Variants in COL14A1 observed in about 807,000 individuals in gnomAD.
COL14A1 encodes collagen type XIV alpha 1 chain.
COL14A1 carries 136 observed loss-of-function variants against 230.3 expected under a neutral mutation model. The ratio of observed to expected loss-of-function variants is 0.59; its 90% confidence interval spans 0.51 to 0.68. The LOEUF (loss-of-function observed/expected upper bound fraction) is 0.68, where lower values mean the gene tolerates loss of function less well. Among genes scored for constraint, COL14A1 ranks in the 30% least tolerant of loss-of-function variants. COL14A1 has a pLI of 0.00. For synonymous variants in COL14A1, 792 were observed against 784.1 expected (o/e 1.01, Z -0.17); for missense variants, 1,976 against 2,215.8 (o/e 0.89, Z 2.17).
intron 20 of COL14A1, among the ~76,000 whole-genome samples, chr8:120,246,649 A>T (rs1818775543): frequency 6.6e-6 from 1 of 152,208 alleles, no homozygotes. Context: ...CAGAAATGCC[A>T]TTACGTCTTA....
chr8:120,278,660 G>A, intron 28 of COL14A1, 82 bp downstream of exon 28: 1 of 1,349,408 alleles, frequency 7.4e-7, no homozygotes, highest in Non-Finnish European at 1.0e-6. Context: ...GGCTATATCA[G>A]CATTACTTAA....
At chr8:120,204,667 C>T (rs757171034) in intron 9 of COL14A1, among the ~76,000 whole-genome samples, 54 of 152,286 alleles carry the variant, frequency 3.5e-4, no homozygotes, top group Non-Finnish European at 5.6e-4. Context: ...CATAAGTTTT[C>T]ATTTCTCTGG....
At chr8:120,181,191 T>C (rs1248006641) in intron 5 of COL14A1, among the ~76,000 whole-genome samples, 3 of 152,198 alleles carry the variant, frequency 2.0e-5, no homozygotes, top group Non-Finnish European at 2.9e-5. Context: ...GAGAATGGAA[T>C]TGGGCAAACA....
chr8:120,176,256 G>A (rs568790437), intron 5 of COL14A1, among the ~76,000 whole-genome samples: 1 of 152,212 alleles, frequency 6.6e-6, no homozygotes, highest in South Asian at 2.1e-4. Context: ...TAGTTTCTGG[G>A]GATTAAGTGG....
At chr8:120,341,677 G>A (rs908839074) in intron 43 of COL14A1, among the ~76,000 whole-genome samples, 26 of 152,188 alleles carry the variant, frequency 1.7e-4, no homozygotes, top group African/African-American at 5.8e-4. Context: ...TGATGAGAAC[G>A]TTATATAATA....
At chr8:120,164,721 T>C (rs566335444) in intron 4 of COL14A1, among the ~76,000 whole-genome samples, 2 of 152,346 alleles carry the variant, frequency 1.3e-5, no homozygotes, top group African/African-American at 4.8e-5. Flanking sequence ...ATGTTAATTT[T>C]GGTTTAAATC....
At chr8:120,166,919 T>TG (rs1554600759) in intron 4 of COL14A1, among the ~76,000 whole-genome samples, 45 of 143,962 alleles carry the variant, frequency 3.1e-4, no homozygotes, top group African/African-American at 1.2e-3. Flanking sequence ...TGTGTGTGTG[T>TG]GTGGTGGTGA....
intron 13 of COL14A1, 64 bp from the exon 14 acceptor site, chr8:120,216,287 C>G (rs186926905): frequency 7.2e-7 from 1 of 1,381,292 alleles, no homozygotes. Flanking sequence ...GTCAAAGATG[C>G]AATTTCTTTT....
chr8:120,253,457 A>T (rs1353522725), intron 22 of COL14A1, among the ~76,000 whole-genome samples: 1 of 152,188 alleles, frequency 6.6e-6, no homozygotes, highest in African/African-American at 2.4e-5. Context: ...AAAGACTGAG[A>T]TTGTTGAATT....
intron 19 of COL14A1, among the ~76,000 whole-genome samples, chr8:120,241,832 T>A (rs1365168117): frequency 6.6e-6 from 1 of 152,184 alleles, no homozygotes; most frequent in Admixed American, 6.5e-5. Context: ...GGCCTCAGTT[T>A]TCTCATCTGT....
At chr8:120,365,339 G>A (rs1051743178) in intron 45 of COL14A1, among the ~76,000 whole-genome samples, 4 of 152,154 alleles carry the variant, frequency 2.6e-5, no homozygotes, top group Admixed American at 1.3e-4. Flanking sequence ...GAGTCACCAC[G>A]CTCTTAATCA....
chr8:120,139,613 A>T (rs2096687672), intron 1 of COL14A1, among the ~76,000 whole-genome samples: 1 of 152,202 alleles, frequency 6.6e-6, no homozygotes, highest in Non-Finnish European at 1.5e-5. Context: ...TAGAAAATTC[A>T]TTATGATTCC....
chr8:120,343,232 C>T (rs915505480), intron 44 of COL14A1, among the ~76,000 whole-genome samples: 6 of 152,156 alleles, frequency 3.9e-5, no homozygotes, highest in African/African-American at 1.2e-4. Context: ...GTAATTTGTT[C>T]AGTTCCAGGA....
chr8:120,144,497 G>T (rs948806840), intron 1 of COL14A1, among the ~76,000 whole-genome samples: 1 of 152,018 alleles, frequency 6.6e-6, no homozygotes, highest in Non-Finnish European at 1.5e-5. Flanking sequence ...TTCAGCATCC[G>T]TTCTTGATTT....
At position 120,262,994 on chromosome 8, in the gene COL14A1, T is replaced by C; in HGVS notation, c.2996T>C (p.Val999Ala). 7.5e-6 allele frequency: 12 copies of C among 1,606,980 alleles called. No homozygotes were observed. Among genetic ancestry groups the C allele is most frequent in the Non-Finnish European group, 9.3e-6 (11 of 1,177,844 alleles). The change falls in exon 24 of 48, where the codon GTG (valine) becomes GCG (alanine). Residue 999 changes from valine (V) to alanine (A), a missense_variant. Val to Ala is a moderately conservative substitution (Grantham distance 64, BLOSUM62 0). Transcript: ENST00000297848. ...CTCCAGGAGATTGAAGGACCTAGTG[T>C]GAGCATAATGGAAAAAACACGTAAG... The part of the protein sequence containing the change: ...TKLQEIEGPS[V>A]SIMEKTQSLP...
chr8:120,260,573 A>G (rs944328994), intron 23 of COL14A1, among the ~76,000 whole-genome samples: 1 of 152,330 alleles, frequency 6.6e-6, no homozygotes, highest in Middle Eastern at 3.4e-3. Context: ...GCCCCTAGAA[A>G]TAAAGCGTTA....
At chr8:120,341,160 T>G (rs1822280869) in intron 42 of COL14A1, among the ~76,000 whole-genome samples, 165 bp from the exon 43 acceptor site, 1 of 152,220 alleles carries the variant, frequency 6.6e-6, no homozygotes, top group Admixed American at 6.5e-5. Context: ...TTATGTTTGG[T>G]GTGCGTACTG....
At chr8:120,173,544 C>T (rs1020505532) in intron 5 of COL14A1, among the ~76,000 whole-genome samples, 1 of 111,482 alleles carries the variant, frequency 9.0e-6, no homozygotes. Context: ...CTCTCATTCT[C>T]TTGCTCTCTA....
At chr8:120,212,309 G>A in intron 12 of COL14A1, 139 bp from the exon 13 acceptor site, 2 of 714,282 alleles carry the variant, frequency 2.8e-6, no homozygotes, top group East Asian at 2.8e-5. Flanking sequence ...TAAAAATTAT[G>A]ACTGAAGCCT....
Sources: gnomAD v4.1 joint callset for allele counts (sites outside exome capture counted in the v4.1 genomes callset) on GRCh38, gnomAD v4.1.1 for gene constraint, MANE v1.5 for transcripts, NCBI Gene and HGNC (gene_info 2026-07-23, HGNC 2026-07-21) for gene names.